The following ZNF506 variants were observed in gnomAD, a reference collection of about 807,000 sequenced individuals.
ZNF506 encodes the protein zinc finger protein 506.
A neutral mutation model predicts 11.6 loss-of-function variants in ZNF506; 10 were observed. The observed-to-expected ratio is 0.86, with a 90% CI of 0.53 to 1.46. The LOEUF (loss-of-function observed/expected upper bound fraction) is 1.46. ZNF506 is among the 40% of genes most tolerant of loss of function. The probability of loss-of-function intolerance (pLI) is 0.00; values close to 1 mark genes in which losing one functional copy is unlikely to be tolerated. For synonymous variants in ZNF506, 156 were observed against 173.3 expected (o/e 0.90, Z 0.78); for missense variants, 425 against 521.2 (o/e 0.82, Z 1.80).
In ZNF506 at chr19:19,793,550, A is replaced by AC. The variant is rs1249273863; in HGVS notation, c.*1001dup. On this transcript the variant is annotated 3_prime_UTR_variant, in exon 4 of 4. Transcript: ENST00000540806. The stretch of plus-strand genomic sequence containing the variant: ...CTGTGATACAAGTAAAGGTACTACA[A>AC]CCCCCCCTTATATTTGTAATAGCTG... 1.3e-5 allele frequency among the ~76,000 whole-genome samples: 2 copies of AC among 151,658 alleles called. No homozygotes were observed. The highest frequency in any genetic ancestry group is 2.9e-5 in the Non-Finnish European group (2 of 67,854).
At chr19:19,818,383 A>G (rs886822262) in intron 1 of ZNF506, among the ~76,000 whole-genome samples, 2 of 152,208 alleles carry the variant, frequency 1.3e-5, no homozygotes, top group African/African-American at 4.8e-5. Flanking sequence ...TTGACGATCT[A>G]TATAACTCAT....
chr19:19,806,903 A>C (rs1272153958), intron 2 of ZNF506, 39 bp downstream of exon 2: 1 of 1,589,372 alleles, frequency 6.3e-7, no homozygotes. Context: ...TAAAACCTTT[A>C]GAGTAATATT....
chr19:19,800,391 A>AATATATATATATATATTTTTATATAT (rs1460340025), intron 3 of ZNF506, among the ~76,000 whole-genome samples: 79 of 139,228 alleles, frequency 5.7e-4, no homozygotes, highest in East Asian at 1.9e-3. Context: ...AACTAAACAG[A>AATATATATATATATATTTTTATATAT]ATATATATAT....
chr19:19,801,122 T>C (rs1205382023), intron 3 of ZNF506, among the ~76,000 whole-genome samples: 1 of 151,780 alleles, frequency 6.6e-6, no homozygotes, highest in South Asian at 2.1e-4. Context: ...ATTATGCCAT[T>C]GTACTCCAGC....
In ZNF506 at chr19:19,794,560, T is replaced by C. The variant is rs1200133401; in HGVS notation, c.1327A>G (p.Ile443Val). 1.9e-6 allele frequency: 3 copies of C among 1,590,478 alleles called. No individual in the cohort carries two copies. Among genetic ancestry groups the C allele is most frequent in the African/African-American group, 1.4e-5 (1 of 73,948 alleles). The change falls in exon 4 of 4, where the codon ATA (isoleucine) becomes GTA (valine). Residue 443 changes from isoleucine (I) to valine (V), a missense_variant. By Grantham distance (29) the Ile-to-Val change is conservative. Coordinates refer to ENST00000540806, the MANE Select transcript of ZNF506 (RefSeq NM_001099269.3). The stretch of plus-strand genomic sequence containing the variant: ...TTTCTCTCCAGTATGAATTATCTTA[T>C]GCTTATTAAGGGTTGAGGAACATTT... ...LLNVPQPLIS[I>V]R
chr19:19,820,741 C>G (rs1287937450), intron 1 of ZNF506: 1 of 152,182 alleles, frequency 6.6e-6, no homozygotes, highest in Non-Finnish European at 1.5e-5. Context: ...TATACCTAAT[C>G]AATTATTGAA....
At chr19:19,808,108 C>CTTGTTTTTTTTTTTT (rs2062850007) in intron 1 of ZNF506, among the ~76,000 whole-genome samples, 1 of 56,730 alleles carries the variant, frequency 1.8e-5, no homozygotes, top group Admixed American at 2.7e-4. Context: ...TCATTAACCA[C>CTTGTTTTTTTTTTTT]TTTTTTTTTT....
rs902650335 is a variant in ZNF506 at position 19,794,321 on chromosome 19, AAG to A, written c.*229_*230del. 1.0e-5 allele frequency: 4 copies of A among 391,844 alleles called. No homozygotes were observed. The highest frequency in any genetic ancestry group is 8.3e-5 in the African/African-American group (4 of 48,182). The allele number at this position is 391,844 out of a possible 1,614,324, so 24.3% of individuals were successfully genotyped here. ...GTGAAACTCCATCTCAAAAAACAAA[AAG>A]AGTTGACAGGTTGTTATAGGCTTTG... On this transcript the variant is annotated 3_prime_UTR_variant, in exon 4 of 4. Transcript: ENST00000540806.
Position 19,806,990 on chromosome 19 carries a change from G to C in ZNF506, c.82C>G (p.Leu28Val), listed in dbSNP as rs1273452461. The stretch of plus-strand genomic sequence containing the variant: ...TTCTCTAACATCACATCCCTATATA[G>C]ATTCCGCTGTGCAGCGTCCAGGCAA... ...WHCLDAAQRN[L>V]YRDVMLENYR... is the part of the protein sequence containing the mutation. Residue 28 changes from leucine to valine, a missense_variant, in exon 2 of 4, where the codon CTA becomes GTA. Transcript: ENST00000540806. 2 of 1,613,934 alleles carry C rather than the reference G, an allele frequency of 1.2e-6. No homozygotes were observed. Among genetic ancestry groups the C allele is most frequent in the East Asian group, 4.5e-5 (2 of 44,858 alleles).
At chr19:19,814,784 G>GGGCT (rs1343704983) in intron 1 of ZNF506, among the ~76,000 whole-genome samples, 1 of 152,116 alleles carries the variant, frequency 6.6e-6, no homozygotes, top group East Asian at 1.9e-4. Flanking sequence ...GGTCCCAGTG[G>GGGCT]GGCTGTACTC....
At chr19:19,809,462 T>TG (rs1324457507) in intron 1 of ZNF506, among the ~76,000 whole-genome samples, 22 of 113,264 alleles carry the variant, frequency 1.9e-4, no homozygotes, top group African/African-American at 9.4e-4. Flanking sequence ...AAGGGGAAGT[T>TG]ATTTTTTTTC....
intron 1 of ZNF506, among the ~76,000 whole-genome samples, chr19:19,814,340 G>T (rs1253439876): frequency 6.7e-6 from 1 of 150,138 alleles, no homozygotes; most frequent in Non-Finnish European, 1.5e-5. Flanking sequence ...CCCAGGAGGT[G>T]GAGGTTGCAG....
chr19:19,811,354 T>C (rs1010426250), intron 1 of ZNF506, among the ~76,000 whole-genome samples: 1 of 152,116 alleles, frequency 6.6e-6, no homozygotes, highest in Non-Finnish European at 1.5e-5. Flanking sequence ...GAGATGGCAT[T>C]TCACCATATT....
chr19:19,808,036 T>G (rs967687570), intron 1 of ZNF506, among the ~76,000 whole-genome samples: 3 of 148,592 alleles, frequency 2.0e-5, no homozygotes, highest in Non-Finnish European at 3.0e-5. Context: ...ATAAAGATAC[T>G]TAATAATAAA....
chr19:19,807,381 A>G (rs959958923), intron 1 of ZNF506, among the ~76,000 whole-genome samples: 56 of 152,232 alleles, frequency 3.7e-4, no homozygotes, highest in African/African-American at 1.3e-3. Flanking sequence ...TGAGCAGTGA[A>G]TATTTTTCAG....
intron 1 of ZNF506, among the ~76,000 whole-genome samples, chr19:19,814,915 G>A (rs933588017): frequency 6.6e-6 from 1 of 152,110 alleles, no homozygotes; most frequent in Non-Finnish European, 1.5e-5. Context: ...AATATGCTAG[G>A]AGACTTGTAG....
In ZNF506 at chr19:19,795,035, T is replaced by G. The variant is rs371700440; in HGVS notation, c.852A>C (p.Pro284=). ...SHKKIHTGEK[P]YKCDKCGKAF... is the part of the protein sequence containing the mutation. ...CTTTGCCACATTTATCACACTTGTA[T>G]GGTTTCTCTCCAGTATGAATTTTCT... The change falls in exon 4 of 4, where the codon CCA becomes CCC. Residue 284 remains proline, a synonymous_variant. Coordinates refer to ENST00000540806, the MANE Select transcript of ZNF506 (RefSeq NM_001099269.3). 4 of 1,613,226 alleles carry G rather than the reference T, an allele frequency of 2.5e-6. No individual in the cohort carries two copies. The highest frequency in any genetic ancestry group is 1.7e-5 in the Admixed American group (1 of 59,918).
At chr19:19,804,310 C>T (rs985689923) in intron 3 of ZNF506, among the ~76,000 whole-genome samples, 12 of 152,198 alleles carry the variant, frequency 7.9e-5, no homozygotes, top group Admixed American at 7.2e-4. Flanking sequence ...GACATTTATG[C>T]AGCCAACAGA....
intron 1 of ZNF506, among the ~76,000 whole-genome samples, chr19:19,818,170 T>A (rs1351029756): frequency 6.6e-6 from 1 of 152,150 alleles, no homozygotes; most frequent in Non-Finnish European, 1.5e-5. Context: ...AGCAAATATA[T>A]CTACTTCTTT....
Sources: gnomAD v4.1 joint callset for allele counts (sites outside exome capture counted in the v4.1 genomes callset) on GRCh38, gnomAD v4.1.1 for gene constraint, MANE v1.5 for transcripts, NCBI Gene and HGNC (gene_info 2026-07-23, HGNC 2026-07-21) for gene names.